GNA13: variants seen among roughly 807,000 people sequenced by gnomAD.
GNA13 encodes guanine nucleotide-binding protein subunit alpha-13.
Under a neutral mutation model 33.5 loss-of-function variants are expected in GNA13, and 4 were observed. That is an observed-to-expected ratio of 0.12 (90% CI 0.06 to 0.27). The LOEUF is 0.27. Among genes scored for constraint, GNA13 ranks in the 10% least tolerant of loss-of-function variants. The pLI, the probability that GNA13 is intolerant of heterozygous loss-of-function variation, is 1.00. For synonymous variants in GNA13, 176 were observed against 183.8 expected (o/e 0.96, Z 0.34); for missense variants, 319 against 487.2 (o/e 0.65, Z 3.25).
At chr17:65,024,016 C>T (rs958208227) in intron 2 of GNA13, among the ~76,000 whole-genome samples, 20 of 152,116 alleles carry the variant, frequency 1.3e-4, no homozygotes, top group Admixed American at 3.3e-4. Context: ...TTTGGGAGGA[C>T]GCCAAAGCGG....
intron 2 of GNA13, among the ~76,000 whole-genome samples, chr17:65,044,103 G>A (rs1907566566): frequency 6.6e-6 from 1 of 152,110 alleles, no homozygotes; most frequent in Admixed American, 6.6e-5. Context: ...ATTGGCCTCG[G>A]GAACAGAGCA....
chr17:65,037,510 T>C (rs1907290649), intron 2 of GNA13, among the ~76,000 whole-genome samples: 1 of 152,134 alleles, frequency 6.6e-6, no homozygotes, highest in South Asian at 2.1e-4. Flanking sequence ...CTGACCACTT[T>C]TTTCTTCTTG....
chr17:65,044,053 T>C (rs1567826124), intron 2 of GNA13, among the ~76,000 whole-genome samples: 1 of 150,688 alleles, frequency 6.6e-6, no homozygotes, highest in African/African-American at 2.4e-5. Context: ...GCTGGGGAGG[T>C]CAAGGCTACA....
chr17:65,050,780 A>G (rs977970965), intron 2 of GNA13, among the ~76,000 whole-genome samples: 4 of 152,206 alleles, frequency 2.6e-5, no homozygotes, highest in Non-Finnish European at 5.9e-5. Context: ...GACTCAGGAA[A>G]AAAGAATCTC....
chr17:65,011,744 TTAAATC>T lies in GNA13; in HGVS notation c.*2507_*2512del, dbSNP rs1289730809. 2 of 227,998 alleles carry T rather than the reference TTAAATC, an allele frequency of 8.8e-6. No homozygotes were observed. Among genetic ancestry groups the T allele is most frequent in the Non-Finnish European group, 8.7e-6 (1 of 114,872 alleles). 14.1% of individuals were successfully genotyped at this position (227,998 alleles called of 1,614,324 possible). On this transcript the variant is annotated 3_prime_UTR_variant, in exon 4 of 4. Transcript: ENST00000439174. ...AGAAAATCAAATACATCAAAGAACT[TTAAATC>T]TAAATTACTTTTTTAGAGACTGGGG...
chr17:65,021,417 G>T (rs375843540), intron 2 of GNA13, among the ~76,000 whole-genome samples: 1 of 152,186 alleles, frequency 6.6e-6, no homozygotes, highest in African/African-American at 2.4e-5. Flanking sequence ...GACAAAATGG[G>T]TCTGGAGTCC....
chr17:65,029,040 G>T (rs1906905962), intron 2 of GNA13, among the ~76,000 whole-genome samples: 1 of 152,226 alleles, frequency 6.6e-6, no homozygotes, highest in African/African-American at 2.4e-5. Flanking sequence ...ACATAAGGAT[G>T]TTGGGAAAAA....
rs1238292 is a variant in GNA13, at chr17:65,037,632, C to A, written c.510+15870G>T. On this transcript the variant is annotated intron_variant, in intron 2 of 3. Coordinates refer to ENST00000439174, the MANE Select transcript of GNA13 (RefSeq NM_006572.6). ...ACATTCTCAAAAGATGTAGAGATTT[C>A]TCAAGACTCTACTGTCAGACTGAGC... 7.9e-5 allele frequency among the ~76,000 whole-genome samples: 12 copies of A among 151,870 alleles called. 1 individual carries two copies. The highest frequency in any genetic ancestry group is 2.0e-4 in the Admixed American group (3 of 15,232).
In GNA13 at chr17:65,009,503, TACA is replaced by T. The variant is rs553077631; in HGVS notation, c.*4751_*4753del. Among the ~76,000 whole-genome samples, 8 of 152,262 alleles carry T rather than the reference TACA, an allele frequency of 5.3e-5. No individual in the cohort carries two copies. Among genetic ancestry groups the T allele is most frequent in the African/African-American group, 1.2e-4 (5 of 41,538 alleles). ...GAACTAAAGCACTGACAAAAAAATT[TACA>T]ACAATTATCAGATAATGTGCTTAGT... is the stretch of plus-strand genomic sequence containing the variant. On this transcript the variant is annotated 3_prime_UTR_variant, in exon 4 of 4. Transcript: ENST00000439174.
In GNA13 at chr17:65,028,821, T is replaced by C. The variant is rs112143538; in HGVS notation, c.511-10518A>G. 2.9e-3 allele frequency among the ~76,000 whole-genome samples: 447 copies of C among 152,050 alleles called. 3 individuals carry two copies. The highest frequency in any genetic ancestry group is 0.01 in the African/African-American group (428 of 41,464). On this transcript the variant is annotated intron_variant, in intron 2 of 3. Coordinates refer to ENST00000439174, the MANE Select transcript of GNA13 (RefSeq NM_006572.6). ...CTTCTTCCAATCTGCAGCCTCCACTTCCCCCACCTACACACCTTCCAGAGA... is the reference window on the plus strand; with the variant it reads ...CTTCTTCCAATCTGCAGCCTCCACTCCCCCCACCTACACACCTTCCAGAGA...
At chr17:65,028,666 A>G (rs1906892273) in intron 2 of GNA13, among the ~76,000 whole-genome samples, 1 of 152,152 alleles carries the variant, frequency 6.6e-6, no homozygotes, top group African/African-American at 2.4e-5. Flanking sequence ...CTTGGCCTCA[A>G]CACTAGGATG....
chr17:65,046,261 T>A (rs1340653208), intron 2 of GNA13, among the ~76,000 whole-genome samples: 6 of 152,054 alleles, frequency 3.9e-5, no homozygotes, highest in Non-Finnish European at 8.8e-5. Context: ...ATTAAACAAT[T>A]ATTATAATTA....
At chr17:65,027,332 G>A (rs1233875716) in intron 2 of GNA13, among the ~76,000 whole-genome samples, 6 of 118,346 alleles carry the variant, frequency 5.1e-5, no homozygotes, top group African/African-American at 9.0e-5. Context: ...TTTTTTTAAA[G>A]AGATAGGTTT....
At chr17:65,041,913 C>T (rs1459792478) in intron 2 of GNA13, among the ~76,000 whole-genome samples, 1 of 152,200 alleles carries the variant, frequency 6.6e-6, no homozygotes, top group African/African-American at 2.4e-5. Context: ...GTTTCACCAA[C>T]CATCTATATA....
At chr17:65,050,312 A>G (rs1331720902) in intron 2 of GNA13, among the ~76,000 whole-genome samples, 1 of 152,208 alleles carries the variant, frequency 6.6e-6, no homozygotes, top group Non-Finnish European at 1.5e-5. Context: ...TTTGAGGAAA[A>G]TTTTAAGTAA....
At position 65,011,919 on chromosome 17, in the gene GNA13, G is replaced by A. The variant is rs1027557476; in HGVS notation, c.*2338C>T. 4 of 224,224 alleles carry A rather than the reference G, an allele frequency of 1.8e-5. No homozygotes were observed. Among genetic ancestry groups the A allele is most frequent in the African/African-American group, 8.9e-5 (4 of 44,816 alleles). 13.9% of individuals were successfully genotyped at this position (224,224 alleles called of 1,614,324 possible). On this transcript the variant is annotated 3_prime_UTR_variant, in exon 4 of 4. Transcript: ENST00000439174. ...CTTTCAAACGTTTTTAAAATACAAC[G>A]TATAAAAAAATGTGGACTGAAGCCT... is the stretch of plus-strand genomic sequence containing the variant.
At chr17:65,042,357 CAAA>C (rs369887415) in intron 2 of GNA13, among the ~76,000 whole-genome samples, 5 of 62,232 alleles carry the variant, frequency 8.0e-5, no homozygotes, top group African/African-American at 5.0e-5. Context: ...AACTCCGTCT[CAAA>C]AAAAAAAAAA....
At chr17:65,048,831 TTAA>T (rs1329222191) in intron 2 of GNA13, among the ~76,000 whole-genome samples, 1 of 152,222 alleles carries the variant, frequency 6.6e-6, no homozygotes, top group Non-Finnish European at 1.5e-5. Flanking sequence ...TTAATGTGCA[TTAA>T]TAAGTTTAAT....
In GNA13 at chr17:65,014,565, C is replaced by A. The variant is rs563262712; in HGVS notation, c.826G>T (p.Val276Phe). Residue 276 changes from valine to phenylalanine, a missense_variant, in exon 4 of 4, where the codon GTC becomes TTC. Around this residue, in one of 4 missense-constraint regions of GNA13, gnomAD observed 134 missense variants for 241.3 expected, o/e 0.56. Transcript: ENST00000439174. This position sits in a 1 kb window ranked among gnomAD's most constrained non-coding sequence, Gnocchi z 5.3. ...ACATTGCTGAAAACCCGGTTATTGA[C>A]GATTGTTTCAAAAATGTTCAGAGAC... Reference protein sequence around the residue: ...TESLNIFETIVNNRVFSNVSI... With the variant: ...TESLNIFETIFNNRVFSNVSI... 6.2e-7 allele frequency: 1 copy of A among 1,614,054 alleles called. No individual in the cohort carries two copies. Among genetic ancestry groups the A allele is most frequent in the Non-Finnish European group, 8.5e-7 (1 of 1,179,954 alleles).
Sources: allele counts gnomAD v4.1 joint callset (sites outside exome capture counted in the v4.1 genomes callset), GRCh38; gene constraint gnomAD v4.1.1; regional missense constraint gnomAD v4.1.1; non-coding constraint Gnocchi (gnomAD v3.1); transcripts MANE v1.5; gene names NCBI Gene and HGNC (gene_info 2026-07-23, HGNC 2026-07-21).